The following SGCZ variants were observed in gnomAD, a reference collection of about 807,000 sequenced individuals.
The protein encoded by SGCZ is sarcoglycan zeta.
Under a neutral mutation model 41.3 loss-of-function variants are expected in SGCZ, and 40 were observed. The ratio of observed to expected loss-of-function variants is 0.97; its 90% confidence interval spans 0.75 to 1.26. SGCZ has a LOEUF of 1.26. Among genes scored for constraint, SGCZ ranks in the 50% most tolerant of loss-of-function variants. The pLI, the probability that SGCZ is intolerant of heterozygous loss-of-function variation, is 0.00. For synonymous variants in SGCZ, 206 were observed against 137.5 expected (o/e 1.50, Z -3.49); for missense variants, 552 against 369.8 (o/e 1.49, Z -4.04).
At chr8:14,961,836 C>CAGAA (rs1554529003) in intron 1 of SGCZ, among the ~76,000 whole-genome samples, 2 of 152,140 alleles carry the variant, frequency 1.3e-5, no homozygotes, top group Non-Finnish European at 2.9e-5. Flanking sequence ...ACAGACAACA[C>CAGAA]AGAAACTGCC....
intron 1 of SGCZ, among the ~76,000 whole-genome samples, chr8:15,085,327 C>T (rs1805908255): frequency 1.3e-5 from 2 of 152,160 alleles, no homozygotes. Context: ...TTACCTTTGA[C>T]TTACAGAAAG....
chr8:15,041,495 A>G (rs970362513), intron 1 of SGCZ, among the ~76,000 whole-genome samples: 3 of 152,036 alleles, frequency 2.0e-5, no homozygotes, highest in African/African-American at 7.2e-5. Flanking sequence ...TTTTCTTTAT[A>G]TGGTTTTAGT....
rs1473350585 is a variant in SGCZ, at chr8:14,999,717, A to G, written c.39+237868T>C. ...GCTTCTTCATAGCCTAACAATCTTC[A>G]GTGCACACCCCAGGCAGTCTGAGTC... On this transcript the variant is annotated intron_variant, in intron 1 of 7. Transcript: ENST00000382080. 2.6e-5 allele frequency among the ~76,000 whole-genome samples: 4 copies of G among 152,178 alleles called. No individual in the cohort carries two copies. The East Asian group carries it at 7.7e-4, about 29-fold the overall frequency.
At chr8:14,617,452 C>T (rs1806142150) in intron 1 of SGCZ, among the ~76,000 whole-genome samples, 1 of 152,094 alleles carries the variant, frequency 6.6e-6, no homozygotes, top group African/African-American at 2.4e-5. Context: ...TTAGTCATAG[C>T]TATGATTTAT....
intron 3 of SGCZ, among the ~76,000 whole-genome samples, chr8:14,295,292 T>A (rs1432423878): frequency 6.6e-6 from 1 of 152,156 alleles, no homozygotes; most frequent in Non-Finnish European, 1.5e-5. Context: ...GCAAGATGGA[T>A]GAATCTCAGA....
At chr8:15,160,216 A>G (rs956810221) in intron 1 of SGCZ, among the ~76,000 whole-genome samples, 1 of 152,110 alleles carries the variant, frequency 6.6e-6, no homozygotes, top group Non-Finnish European at 1.5e-5. Flanking sequence ...GCAATAACAC[A>G]TTATTTGTCT....
At chr8:14,640,727 C>G (rs1510439) in intron 1 of SGCZ, among the ~76,000 whole-genome samples, 1 of 151,186 alleles carries the variant, frequency 6.6e-6, no homozygotes, top group East Asian at 2.0e-4. Flanking sequence ...TTTCCTAAAG[C>G]TAAAAGATAG....
chr8:14,669,381 GTAAGTAAATAAA>G (rs1188446562), intron 1 of SGCZ, among the ~76,000 whole-genome samples: 2 of 145,364 alleles, frequency 1.4e-5, no homozygotes, highest in Non-Finnish European at 3.0e-5. Flanking sequence ...AAGTAAGTAA[GTAAGTAAATAAA>G]TAAATAAATA....
At chr8:14,829,346 T>C (rs549032487) in intron 1 of SGCZ, among the ~76,000 whole-genome samples, 133 of 152,308 alleles carry the variant, frequency 8.7e-4, no homozygotes, top group Non-Finnish European at 1.2e-3. Flanking sequence ...TCTTCAGGGA[T>C]AGACTAAATG....
At chr8:14,255,126 C>T (rs1268101868) in intron 3 of SGCZ, among the ~76,000 whole-genome samples, 2 of 152,122 alleles carry the variant, frequency 1.3e-5, no homozygotes, top group Non-Finnish European at 2.9e-5. Flanking sequence ...TTAAAGTTCA[C>T]ATCACGACAC....
chr8:15,021,363 A>C (rs1046891164), intron 1 of SGCZ, among the ~76,000 whole-genome samples: 1 of 152,200 alleles, frequency 6.6e-6, no homozygotes, highest in African/African-American at 2.4e-5. Flanking sequence ...TGTGTGACAG[A>C]TTTGTAGCTA....
chr8:15,106,183 T>G (rs1439255291), intron 1 of SGCZ, among the ~76,000 whole-genome samples: 4 of 152,154 alleles, frequency 2.6e-5, no homozygotes, highest in African/African-American at 9.6e-5. Flanking sequence ...TAGCATCTTT[T>G]ACTACTAATT....
At chr8:14,376,393 G>A (rs115730281) in intron 2 of SGCZ, among the ~76,000 whole-genome samples, 2,253 of 152,100 alleles carry the variant, frequency 0.015, 70 homozygotes, top group African/African-American at 0.05. Context: ...CATACAAAAT[G>A]ACTTTATTTT....
At chr8:14,368,718 A>AG (rs1482135557) in intron 2 of SGCZ, among the ~76,000 whole-genome samples, 1 of 152,052 alleles carries the variant, frequency 6.6e-6, no homozygotes, top group Non-Finnish European at 1.5e-5. Flanking sequence ...CTAAGTCTGC[A>AG]GATCCTGGTT....
rs536225842 is a variant in SGCZ at position 14,972,281 on chromosome 8, T to C, written c.39+265304A>G. On this transcript the variant is annotated intron_variant, in intron 1 of 7. Coordinates refer to ENST00000382080, the MANE Select transcript of SGCZ (RefSeq NM_139167.4). ...ACCTGTTGTAATGTTTCCTCTGTCA[T>C]TTCTGGTACTGATAATTTGTGTATT... Among the ~76,000 whole-genome samples the C allele has an allele frequency of 3.3e-5, 5 of 152,286 alleles. No homozygotes were observed. The South Asian group carries it at 1.0e-3, about 32-fold the overall frequency.
intron 2 of SGCZ, among the ~76,000 whole-genome samples, chr8:14,540,665 A>C (rs1215103966): frequency 1.3e-5 from 2 of 151,858 alleles, no homozygotes; most frequent in East Asian, 3.9e-4. Context: ...TAATGTCCTT[A>C]TGTTAGTGAT....
At chr8:15,046,324 T>G (rs1423258453) in intron 1 of SGCZ, among the ~76,000 whole-genome samples, 1 of 152,042 alleles carries the variant, frequency 6.6e-6, no homozygotes, top group Admixed American at 6.6e-5. Context: ...TAAAAATAAA[T>G]TAAACACTAA....
intron 2 of SGCZ, among the ~76,000 whole-genome samples, chr8:14,386,366 G>A (rs889191839): frequency 1.3e-5 from 2 of 150,806 alleles, no homozygotes; most frequent in East Asian, 1.9e-4. Flanking sequence ...CATAAAACTG[G>A]TTGTGGTCCA....
At chr8:14,322,844 A>C (rs560489871) in intron 3 of SGCZ, among the ~76,000 whole-genome samples, 1 of 152,286 alleles carries the variant, frequency 6.6e-6, no homozygotes, top group East Asian at 1.9e-4. Context: ...TAACTGTCAA[A>C]GATGGTGACT....
Sources: allele counts gnomAD v4.1 joint callset (sites outside exome capture counted in the v4.1 genomes callset), GRCh38; gene constraint gnomAD v4.1.1; transcripts MANE v1.5; gene names NCBI Gene and HGNC (gene_info 2026-07-23, HGNC 2026-07-21).